Variants in EDARADD observed in about 807,000 individuals in gnomAD.
The protein encoded by EDARADD is ectodysplasin-A receptor-associated adapter protein.
Under a neutral mutation model 25.6 loss-of-function variants are expected in EDARADD, and 20 were observed. The observed-to-expected ratio is 0.78, with a 90% CI of 0.55 to 1.14. The LOEUF (loss-of-function observed/expected upper bound fraction) is 1.14. Ranked by LOEUF, EDARADD falls within the 50% of genes most tolerant of loss-of-function variation. EDARADD has a pLI of 0.00. For missense variants in EDARADD, 225 were observed against 270.1 expected (o/e 0.83, Z 1.17); for synonymous variants, 86 against 94.4 (o/e 0.91, Z 0.52).
chr1:236,379,550 G>C (rs563257530), intron 3 of EDARADD, among the ~76,000 whole-genome samples: 6 of 151,838 alleles, frequency 4.0e-5, no homozygotes, highest in African/African-American at 1.5e-4. Context: ...AGGCCGAGGC[G>C]GGCAGATCAC....
In EDARADD at chr1:236,482,788, TTTTGTGGAGGGGTAGC is replaced by T; in HGVS notation, c.*142_*157del. 8.0e-7 allele frequency: 1 copy of T among 1,251,930 alleles called. No homozygotes were observed. 77.6% of individuals were successfully genotyped at this position (1,251,930 alleles called of 1,614,324 possible). A position where few individuals can be genotyped will look rare whatever the true frequency, so the allele number is the denominator to read the frequency against. On this transcript the variant is annotated 3_prime_UTR_variant, in exon 6 of 6. Transcript: ENST00000334232. ...CACTGGTTTTCCCCAAAGCTGGCAG[TTTTGTGGAGGGGTAGC>T]TTGTTTCGGTGGTGGATCTCTGTTT...
chr1:236,445,234 C>CTTTTTTTTTTTTTTT lies in EDARADD; in HGVS notation c.219+17795_219+17796insTTTTTTTTTTTTTTT, dbSNP rs61333307. ...TGCATTAGCTGGGACATAATAAATTCTTTTTTTTTTTGAGACAGAGTCTTG... is the reference window on the plus strand; with the variant it reads ...TGCATTAGCTGGGACATAATAAATTCTTTTTTTTTTTTTTTTTTTTTTTTTTGAGACAGAGTCTTG... On this transcript the variant is annotated intron_variant, in intron 4 of 5. Transcript: ENST00000334232. Among the ~76,000 whole-genome samples, 115 of 89,696 alleles carry CTTTTTTTTTTTTTTT rather than the reference C, an allele frequency of 1.3e-3. 27 individuals carry two copies. Among genetic ancestry groups the CTTTTTTTTTTTTTTT allele is most frequent in the African/African-American group, 2.6e-3 (74 of 28,312 alleles). The allele number at this position is 89,696 out of a possible 152,430, so 58.8% of individuals were successfully genotyped here.
chr1:236,356,655 A>G (rs1276260838), intron 3 of EDARADD, among the ~76,000 whole-genome samples: 2 of 152,062 alleles, frequency 1.3e-5, no homozygotes, highest in African/African-American at 4.8e-5. Flanking sequence ...TGATATGTAA[A>G]TGGTGGGCTA....
At position 236,482,374 on chromosome 1, in the gene EDARADD, A is replaced by G; in HGVS notation, c.373A>G (p.Ile125Val). 6.2e-7 allele frequency: 1 copy of G among 1,614,192 alleles called. No individual in the cohort carries two copies. The highest frequency in any genetic ancestry group is 2.2e-5 in the East Asian group (1 of 44,882). Reference sequence around the variant, plus strand: ...CAATGATCAGGACTTACTAGACGTGATCAGGATAAAGCTGGATCCGTGTCA... The same window carrying G: ...CAATGATCAGGACTTACTAGACGTGGTCAGGATAAAGCTGGATCCGTGTCA... ...LLNDQDLLDV[I>V]RIKLDPCHPT... The change falls in exon 6 of 6, where the codon ATC becomes GTC. Residue 125 changes from isoleucine (I) to valine (V), a missense_variant. By Grantham distance (29) the Ile-to-Val change is conservative. Transcript: ENST00000334232.
At chr1:236,436,152 AT>A (rs1558123959) in intron 4 of EDARADD, among the ~76,000 whole-genome samples, 1 of 151,098 alleles carries the variant, frequency 6.6e-6, no homozygotes, top group African/African-American at 2.4e-5. Context: ...AAAAAAAAAA[AT>A]GTCTTTCTTT....
chr1:236,446,363 A>C (rs138932091), intron 4 of EDARADD, among the ~76,000 whole-genome samples: 1,802 of 152,266 alleles, frequency 0.012, 34 homozygotes, highest in African/African-American at 0.039. Context: ...CAGCCTGACC[A>C]ACATGGTGAA....
chr1:236,429,954 A>G (rs1214420386), intron 4 of EDARADD, among the ~76,000 whole-genome samples: 4 of 152,226 alleles, frequency 2.6e-5, no homozygotes, highest in Admixed American at 6.5e-5. Context: ...TATATATAAC[A>G]TCAAGTTAAT....
rs1266661009 is a variant in EDARADD, at chr1:236,483,138, A to G, written c.*489A>G. 38 of 1,442,852 alleles carry G rather than the reference A, an allele frequency of 2.6e-5. No individual in the cohort carries two copies. The East Asian group carries it at 4.1e-4, about 16-fold the overall frequency. The allele number at this position is 1,442,852 out of a possible 1,614,324, so 89.4% of individuals were successfully genotyped here. On this transcript the variant is annotated 3_prime_UTR_variant, in exon 6 of 6. Coordinates refer to ENST00000334232, the MANE Select transcript of EDARADD (RefSeq NM_145861.4). ...GCACCCTCCACTTCTCTCCTAGGCA[A>G]TGAGACCCAGTGGCTAGAAATTCAC...
intron 4 of EDARADD, among the ~76,000 whole-genome samples, chr1:236,461,366 A>G (rs2103032130): frequency 6.6e-6 from 1 of 152,240 alleles, no homozygotes; most frequent in East Asian, 1.9e-4. Flanking sequence ...TCTTTTGCAT[A>G]TGGATATCCA....
intron 3 of EDARADD, among the ~76,000 whole-genome samples, chr1:236,386,894 G>C (rs1667360993): frequency 1.4e-5 from 1 of 72,546 alleles, no homozygotes; most frequent in African/African-American, 4.6e-5. Context: ...CCCCCGCCCG[G>C]CCAGCCGTGC....
intron 4 of EDARADD, among the ~76,000 whole-genome samples, chr1:236,445,237 T>TTTTTTTTTTTTTTG (rs1381960263): frequency 9.1e-6 from 1 of 109,560 alleles, no homozygotes; most frequent in African/African-American, 2.8e-5. Flanking sequence ...ATAAATTCTT[T>TTTTTTTTTTTTTTG]TTTTTTTTGA....
intron 3 of EDARADD, among the ~76,000 whole-genome samples, chr1:236,356,805 C>T (rs188615010): frequency 6.6e-6 from 1 of 151,920 alleles, no homozygotes; most frequent in Admixed American, 6.6e-5. Context: ...TTGATGAGGC[C>T]AGGGGTGGTG....
intron 4 of EDARADD, among the ~76,000 whole-genome samples, chr1:236,467,732 A>T (rs78247476): frequency 6.6e-6 from 1 of 152,126 alleles, no homozygotes; most frequent in Non-Finnish European, 1.5e-5. Context: ...AATGTAAAAT[A>T]AAAATAGCAC....
chr1:236,461,088 C>T (rs914524285), intron 4 of EDARADD, among the ~76,000 whole-genome samples: 2 of 152,124 alleles, frequency 1.3e-5, no homozygotes, highest in Non-Finnish European at 2.9e-5. Context: ...TCCCAAAGTG[C>T]TGGGATTACA....
chr1:236,477,241 C>G (rs1659534574), intron 5 of EDARADD, among the ~76,000 whole-genome samples: 1 of 151,920 alleles, frequency 6.6e-6, no homozygotes, highest in Non-Finnish European at 1.5e-5. Context: ...TATGGCCGGG[C>G]ACGGTGGCTC....
intron 4 of EDARADD, among the ~76,000 whole-genome samples, chr1:236,434,394 C>T (rs1457063854): frequency 6.6e-6 from 1 of 152,124 alleles, no homozygotes; most frequent in Non-Finnish European, 1.5e-5. Context: ...CACGCCACCA[C>T]ACCCAGCTAA....
intron 4 of EDARADD, among the ~76,000 whole-genome samples, chr1:236,435,587 C>T (rs1658228799): frequency 6.6e-6 from 1 of 152,328 alleles, no homozygotes; most frequent in Non-Finnish European, 1.5e-5. Flanking sequence ...ATTGGATTTA[C>T]TTGCAAGAGT....
chr1:236,414,573 G>T (rs1040127723), intron 3 of EDARADD, among the ~76,000 whole-genome samples: 2 of 152,034 alleles, frequency 1.3e-5, no homozygotes, highest in African/African-American at 4.8e-5. Flanking sequence ...TTTTTAACAG[G>T]CATAAAATGA....
chr1:236,370,241 T>C (rs1667159658), intron 3 of EDARADD, among the ~76,000 whole-genome samples: 1 of 151,998 alleles, frequency 6.6e-6, no homozygotes, highest in African/African-American at 2.4e-5. Flanking sequence ...GACAACATGG[T>C]GAAACCCCCT....
Sources: gnomAD v4.1 joint callset for allele counts (sites outside exome capture counted in the v4.1 genomes callset) on GRCh38, gnomAD v4.1.1 for gene constraint, MANE v1.5 for transcripts, NCBI Gene and HGNC (gene_info 2026-07-23, HGNC 2026-07-21) for gene names.